NTM: variants seen among roughly 807,000 people sequenced by gnomAD.
NTM encodes the protein neurotrimin, also known as IgLON family member 2.
A neutral mutation model predicts 42.1 loss-of-function variants in NTM; 13 were observed. The ratio of observed to expected loss-of-function variants is 0.31; its 90% CI spans 0.20 to 0.49. The LOEUF (loss-of-function observed/expected upper bound fraction) is 0.49. NTM is among the 20% of genes least tolerant of loss of function. The pLI, the probability that NTM is intolerant of heterozygous loss-of-function variation, is 0.99. For missense variants in NTM, 373 were observed against 452.8 expected (o/e 0.82, Z 1.60); for synonymous variants, 187 against 179.2 (o/e 1.04, Z -0.35).
chr11:132,290,043 G>A (rs368227563), intron 4 of NTM, among the ~76,000 whole-genome samples: 15 of 152,132 alleles, frequency 9.9e-5, no homozygotes, highest in Non-Finnish European at 1.3e-4. Context: ...GACATTTGCC[G>A]CTATATTGTT....
chr11:131,701,666 A>C (rs1011739119), intron 1 of NTM, among the ~76,000 whole-genome samples: 2 of 152,104 alleles, frequency 1.3e-5, no homozygotes, highest in African/African-American at 4.8e-5. Context: ...TACCATCCTC[A>C]TTACAGCAAG....
intron 1 of NTM, among the ~76,000 whole-genome samples, chr11:131,793,117 A>G (rs770606465): frequency 2.6e-5 from 4 of 152,224 alleles, no homozygotes; most frequent in Non-Finnish European, 5.9e-5. Flanking sequence ...GATCTACATA[A>G]AAAATAAAAC....
At chr11:132,273,048 G>C (rs2093556462) in intron 4 of NTM, among the ~76,000 whole-genome samples, 2 of 152,062 alleles carry the variant, frequency 1.3e-5, no homozygotes, top group African/African-American at 4.8e-5. Context: ...CTACAAAAAT[G>C]TTCTGGTTCG....
intron 1 of NTM, among the ~76,000 whole-genome samples, chr11:131,843,092 G>T (rs1313756260): frequency 1.3e-5 from 2 of 152,030 alleles, no homozygotes; most frequent in East Asian, 1.9e-4. Flanking sequence ...AGGAAAATAT[G>T]ATGAATAATA....
At chr11:131,813,358 G>A (rs761293097) in intron 1 of NTM, among the ~76,000 whole-genome samples, 18 of 152,140 alleles carry the variant, frequency 1.2e-4, no homozygotes, top group Admixed American at 2.6e-4. Flanking sequence ...ACACTGCTAC[G>A]TGCTGGGGAT....
intron 4 of NTM, among the ~76,000 whole-genome samples, chr11:132,233,183 A>G (rs1047588439): frequency 1.3e-5 from 2 of 151,838 alleles, no homozygotes; most frequent in Non-Finnish European, 2.9e-5. Context: ...TTGGGAGGCC[A>G]AGGCAGGCAG....
At chr11:131,907,837 A>C (rs1296926052) in intron 1 of NTM, among the ~76,000 whole-genome samples, 2 of 152,264 alleles carry the variant, frequency 1.3e-5, no homozygotes, top group Admixed American at 6.5e-5. Context: ...ACAGGATATA[A>C]GATAAGCCAC....
intron 2 of NTM, among the ~76,000 whole-genome samples, chr11:131,932,883 A>T (rs2058785483): frequency 6.6e-6 from 1 of 152,282 alleles, no homozygotes; most frequent in East Asian, 1.9e-4. Flanking sequence ...ACTGCCCGGG[A>T]CACACAAAGC....
At chr11:131,947,924 A>G (rs957026467) in intron 2 of NTM, among the ~76,000 whole-genome samples, 1 of 152,214 alleles carries the variant, frequency 6.6e-6, no homozygotes, top group Non-Finnish European at 1.5e-5. Context: ...GCACACAATA[A>G]CCATTGGCTG....
chr11:131,928,569 C>G (rs1176979123), intron 2 of NTM, among the ~76,000 whole-genome samples: 4 of 151,498 alleles, frequency 2.6e-5, no homozygotes, highest in African/African-American at 9.7e-5. Context: ...TCTATGGTCT[C>G]CCGTCTGTGT....
At chr11:131,863,791 A>C (rs1011298462) in intron 1 of NTM, among the ~76,000 whole-genome samples, 2 of 152,212 alleles carry the variant, frequency 1.3e-5, no homozygotes, top group Non-Finnish European at 2.9e-5. Flanking sequence ...CTGCCAATCA[A>C]ACATGAGCTC....
intron 1 of NTM, among the ~76,000 whole-genome samples, chr11:131,851,930 G>T (rs1344554933): frequency 6.6e-6 from 1 of 152,148 alleles, no homozygotes; most frequent in Non-Finnish European, 1.5e-5. Context: ...GAAGCTTTTG[G>T]TCACTTTGCA....
chr11:131,594,196 T>C (rs902597887), intron 1 of NTM, among the ~76,000 whole-genome samples: 1 of 152,228 alleles, frequency 6.6e-6, no homozygotes, highest in African/African-American at 2.4e-5. Flanking sequence ...TCATTTGTCA[T>C]TTGTAATAAT....
At chr11:131,374,998 A>G (rs1383775300) in intron 1 of NTM, among the ~76,000 whole-genome samples, 4 of 152,174 alleles carry the variant, frequency 2.6e-5, no homozygotes, top group Non-Finnish European at 5.9e-5. Context: ...AGATTAACAA[A>G]CAAACAAACA....
intron 1 of NTM, among the ~76,000 whole-genome samples, chr11:131,489,593 CTTTGA>C (rs1954550472): frequency 6.6e-6 from 1 of 152,228 alleles, no homozygotes; most frequent in Non-Finnish European, 1.5e-5. Context: ...TCAGCCACAG[CTTTGA>C]TTTGATCTTT....
intron 1 of NTM, among the ~76,000 whole-genome samples, chr11:131,477,397 A>T (rs552458084): frequency 6.5e-4 from 98 of 151,880 alleles, no homozygotes; most frequent in African/African-American, 2.2e-3. Context: ...CCACTTCTGC[A>T]TTTGGGTTGA....
chr11:132,317,580 C>CAAAT (rs1176089748), intron 7 of NTM: 1 of 832,058 alleles, frequency 1.2e-6, no homozygotes. Flanking sequence ...CTATATATGA[C>CAAAT]AAATATATAG....
chr11:131,432,807 T>TCATCTAC (rs1466141277), intron 1 of NTM, among the ~76,000 whole-genome samples: 3 of 149,846 alleles, frequency 2.0e-5, no homozygotes, highest in Middle Eastern at 3.4e-3. Context: ...TTCTAGACAT[T>TCATCTAC]CATCTACTAC....
intron 1 of NTM, among the ~76,000 whole-genome samples, chr11:131,642,052 A>G (rs988815443): frequency 3.9e-5 from 6 of 152,232 alleles, no homozygotes; most frequent in African/African-American, 1.2e-4. Flanking sequence ...AAGACATCCA[A>G]TCTTTAAAAT....
Sources: gnomAD v4.1 joint callset for allele counts (sites outside exome capture counted in the v4.1 genomes callset) on GRCh38, gnomAD v4.1.1 for gene constraint, MANE v1.5 for transcripts, NCBI Gene and HGNC (gene_info 2026-07-23, HGNC 2026-07-21) for gene names.